The following MYRFL variants were observed in gnomAD, a reference collection of about 807,000 sequenced individuals.
MYRFL encodes myelin regulatory factor-like protein.
Under a neutral mutation model 109.4 loss-of-function variants are expected in MYRFL, and 88 were observed. The observed-to-expected ratio is 0.80, with a 90% CI of 0.68 to 0.96. The LOEUF is 0.96. Among genes scored for constraint, MYRFL ranks in the 40% least tolerant of loss-of-function variants. The probability of loss-of-function intolerance (pLI) is 0.00; values close to 1 mark genes in which losing one functional copy is unlikely to be tolerated. For missense variants in MYRFL, 957 were observed against 954.9 expected (o/e 1.00, Z -0.03); for synonymous variants, 324 against 320.9 (o/e 1.01, Z -0.10).
At chr12:69,886,130 AAAC>A (rs1426054448) in intron 5 of MYRFL, among the ~76,000 whole-genome samples, 8 of 152,192 alleles carry the variant, frequency 5.3e-5, no homozygotes, top group African/African-American at 1.9e-4. Context: ...AAGCAAAATA[AAAC>A]AACAATAACA....
In MYRFL at chr12:69,862,178, A is replaced by T. The variant is rs1300978102; in HGVS notation, c.137+6808A>T. Among the ~76,000 whole-genome samples, 6 of 151,326 alleles carry T rather than the reference A, an allele frequency of 4.0e-5. No homozygotes were observed. In the East Asian group the frequency reaches 1.2e-3, roughly 29 times the overall value. ...CTTGTAGTATAGTTTGAAGTCAGGT[A>T]GCATGATGCCTCCAGCTTTGTTCTT... On this transcript the variant is annotated intron_variant, in intron 2 of 24. Transcript: ENST00000552032.
intron 10 of MYRFL, among the ~76,000 whole-genome samples, chr12:69,901,883 G>GTTTTTTTTTTTTTTT (rs1274815385): frequency 2.7e-5 from 2 of 75,336 alleles, no homozygotes; most frequent in African/African-American, 5.5e-5. Flanking sequence ...TTTCACTGCT[G>GTTTTTTTTTTTTTTT]TTTTTTTTTG....
At chr12:69,906,421 G>A (rs895446860) in intron 11 of MYRFL, among the ~76,000 whole-genome samples, 1 of 152,124 alleles carries the variant, frequency 6.6e-6, no homozygotes, top group African/African-American at 2.4e-5. Context: ...AAACTAGGGG[G>A]GAAGGACACG....
intron 2 of MYRFL, among the ~76,000 whole-genome samples, chr12:69,875,057 A>AT (rs1885578911): frequency 6.6e-6 from 1 of 151,364 alleles, no homozygotes; most frequent in South Asian, 2.1e-4. Flanking sequence ...AGAGTGAAGT[A>AT]TATATCTTCA....
At chr12:69,927,811 A>ATCAG in intron 15 of MYRFL, 63 bp downstream of exon 15, 1 of 1,405,472 alleles carries the variant, frequency 7.1e-7, no homozygotes, top group South Asian at 1.3e-5. Context: ...CTTTAGAGAA[A>ATCAG]TCAGTCAAGA....
At chr12:69,934,812 C>T (rs1475726688) in intron 16 of MYRFL, among the ~76,000 whole-genome samples, 3 of 151,960 alleles carry the variant, frequency 2.0e-5, no homozygotes, top group African/African-American at 4.8e-5. Flanking sequence ...GATAGGGGCA[C>T]GGCAGGCCAT....
chr12:69,944,476 T>C (rs12099758), intron 19 of MYRFL, among the ~76,000 whole-genome samples: 2 of 144,848 alleles, frequency 1.4e-5, no homozygotes, highest in African/African-American at 5.2e-5. Flanking sequence ...TAGGTGGGAA[T>C]TGAACAATGA....
intron 7 of MYRFL, among the ~76,000 whole-genome samples, 164 bp from the exon 8 acceptor site, chr12:69,893,600 G>A (rs931541168): frequency 6.6e-6 from 1 of 152,108 alleles, no homozygotes; most frequent in Non-Finnish European, 1.5e-5. Context: ...AGAATACCAC[G>A]TTAAGGTAGG....
intron 8 of MYRFL, among the ~76,000 whole-genome samples, chr12:69,894,782 C>G (rs753273609): frequency 5.3e-5 from 8 of 152,178 alleles, no homozygotes; most frequent in Admixed American, 1.3e-4. Context: ...GGGTTTTGAC[C>G]CTGAATCAAT....
intron 19 of MYRFL, among the ~76,000 whole-genome samples, chr12:69,937,778 T>A (rs897369284): frequency 2.6e-5 from 4 of 152,242 alleles, no homozygotes; most frequent in African/African-American, 9.6e-5. Context: ...GTTGAAATGT[T>A]GGGGTGCAAT....
rs1414677744 is a variant in MYRFL at position 69,825,332 on chromosome 12, C to T, written c.-186C>T. On this transcript the variant is annotated 5_prime_UTR_variant, in exon 1 of 25. Coordinates refer to ENST00000552032, the MANE Select transcript of MYRFL (RefSeq NM_182530.3). ...TTGTATATCCTTCCAGTTTTATAAT[C>T]ACATTTGAAAACTCAACCATCTTTC... 1.4e-5 allele frequency: 10 copies of T among 696,196 alleles called. No individual in the cohort carries two copies. The East Asian group carries it at 1.6e-4, about 11-fold the overall frequency. The allele number at this position is 696,196 out of a possible 1,614,324, so 43.1% of individuals were successfully genotyped here.
At chr12:69,828,144 G>C (rs1882403012) in intron 1 of MYRFL, among the ~76,000 whole-genome samples, 1 of 152,092 alleles carries the variant, frequency 6.6e-6, no homozygotes, top group Admixed American at 6.6e-5. Context: ...ATTACTGGGT[G>C]TCTTCCATGG....
intron 8 of MYRFL, 118 bp downstream of exon 8, chr12:69,893,958 A>G: frequency 3.8e-6 from 1 of 259,820 alleles, no homozygotes; most frequent in Non-Finnish European, 6.6e-6. Flanking sequence ...TTAAAATGAA[A>G]CCTACCATAG....
chr12:69,930,813 G>GAAAAAAA (rs61430519), intron 15 of MYRFL, among the ~76,000 whole-genome samples: 1 of 128,386 alleles, frequency 7.8e-6, no homozygotes. Context: ...CCCTATCTAA[G>GAAAAAAA]AAAAAAAAAA....
chr12:69,905,275 A>G (rs1162313563), intron 11 of MYRFL, among the ~76,000 whole-genome samples: 1 of 152,240 alleles, frequency 6.6e-6, no homozygotes, highest in Non-Finnish European at 1.5e-5. Flanking sequence ...CACCAGGCAT[A>G]ACACAGAACT....
At chr12:69,849,964 C>G (rs983104913) in intron 1 of MYRFL, among the ~76,000 whole-genome samples, 1 of 152,130 alleles carries the variant, frequency 6.6e-6, no homozygotes, top group African/African-American at 2.4e-5. Context: ...CCACCCAAAT[C>G]TCATCTTGTA....
chr12:69,881,927 G>C (rs1886142547), intron 5 of MYRFL, among the ~76,000 whole-genome samples: 1 of 152,086 alleles, frequency 6.6e-6, no homozygotes, highest in African/African-American at 2.4e-5. Flanking sequence ...TAAATCCCTA[G>C]CCAGACGGGG....
chr12:69,943,891 C>A (rs1314137618), intron 19 of MYRFL, among the ~76,000 whole-genome samples: 1 of 152,070 alleles, frequency 6.6e-6, no homozygotes, highest in Non-Finnish European at 1.5e-5. Context: ...ACAGACACTT[C>A]TCAAAAGAAG....
chr12:69,952,575 G>A (rs1565652761), intron 20 of MYRFL, among the ~76,000 whole-genome samples: 1 of 152,064 alleles, frequency 6.6e-6, no homozygotes, highest in Non-Finnish European at 1.5e-5. Context: ...ATGTTTATTG[G>A]AGCCTGAGTT....
Sources: gnomAD v4.1 joint callset for allele counts (sites outside exome capture counted in the v4.1 genomes callset) on GRCh38, gnomAD v4.1.1 for gene constraint, MANE v1.5 for transcripts, NCBI Gene and HGNC (gene_info 2026-07-23, HGNC 2026-07-21) for gene names.